Variants in FOXD4L1 observed in about 807,000 individuals in gnomAD.
FOXD4L1 encodes forkhead box D4 like 1.
Under a neutral mutation model 24.8 loss-of-function variants are expected in FOXD4L1, and 10 were observed. The observed-to-expected ratio is 0.40, with a 90% CI of 0.25 to 0.68. FOXD4L1 has a LOEUF of 0.68. Among genes scored for constraint, FOXD4L1 ranks in the 30% least tolerant of loss-of-function variants. The pLI is 0.37. For synonymous variants in FOXD4L1, 159 were observed against 256.4 expected, an observed-to-expected ratio of 0.62 and a Z score of 3.63; for missense variants, 364 against 572.4, an observed-to-expected ratio of 0.64 and a Z score of 3.72.
At chr2:113,499,258 T>C (rs1395749842) in exon 1 of FOXD4L1, 33 of 1,611,358 alleles carry the variant, frequency 2.0e-5, no homozygotes, top group Non-Finnish European at 2.4e-5. Context: ...TGCTCCGCCA[T>C]GAACCTGCCA....
chr2:113,499,057 G>C (rs1257217543), exon 1 of FOXD4L1: 4 of 840,516 alleles, frequency 4.8e-6, no homozygotes, highest in Admixed American at 5.7e-5. Context: ...ACATGGTCTT[G>C]AAGAAGCTTT....
At chr2:113,498,982 G>C (rs1326064407) in exon 1 of FOXD4L1, 1 of 616,578 alleles carries the variant, frequency 1.6e-6, no homozygotes, top group East Asian at 3.2e-5. Context: ...CCTGGACTAC[G>C]TTAGGAGGAA....
exon 1 of FOXD4L1, chr2:113,499,561 C>G (rs755498686): frequency 6.2e-7 from 1 of 1,608,796 alleles, no homozygotes; most frequent in South Asian, 1.1e-5. Context: ...TCTGAAGATG[C>G]CCGGCAGCCG....
chr2:113,500,455 C>A (rs1281391243), exon 1 of FOXD4L1: 1 of 1,518,324 alleles, frequency 6.6e-7, no homozygotes, highest in Non-Finnish European at 8.9e-7. Flanking sequence ...GGCGCTGCTG[C>A]GGTATCAGGC....
rs1257090505 is a variant in FOXD4L1 at position 113,500,112 on chromosome 2, G to A, written c.856G>A (p.Gly286Ser). Residue 286 changes from glycine (G) to serine (S), a missense_variant, in exon 1 of 1, where the codon GGC becomes AGC. Physicochemically the swap from Gly to Ser is moderately conservative, Grantham distance 56. Coordinates refer to ENST00000306507, the Ensembl canonical transcript of FOXD4L1. ...TGCCGGGGCACCGAAGAAAGCAGAAGGCGCGGACCTGGCGACCCCCGGCAC... is the reference window on the plus strand; with the variant it reads ...TGCCGGGGCACCGAAGAAAGCAGAAAGCGCGGACCTGGCGACCCCCGGCAC... The A allele has an allele frequency of 3.2e-6, 5 of 1,547,956 alleles. 1 individual carries two copies. Among genetic ancestry groups the A allele is most frequent in the South Asian group, 1.1e-5 (1 of 87,756 alleles).
chr2:113,500,142 C>A lies in FOXD4L1; in HGVS notation c.886C>A (p.Pro296Thr), dbSNP rs867124171. Reference sequence around the variant, plus strand: ...GGACCTGGCGACCCCCGGCACCCTTCCCGTGCTGCAGCCCTCACTTGGTCC... The same window carrying A: ...GGACCTGGCGACCCCCGGCACCCTTACCGTGCTGCAGCCCTCACTTGGTCC... The change falls in exon 1 of 1, where the codon CCC becomes ACC. Residue 296 changes from proline (P) to threonine (T), a missense_variant. Transcript: ENST00000306507. The A allele has an allele frequency of 2.2e-5, 33 of 1,518,032 alleles. 6 individuals are homozygous for A. The highest frequency in any genetic ancestry group is 2.7e-5 in the Non-Finnish European group (31 of 1,129,172). 94.0% of individuals were successfully genotyped at this position (1,518,032 alleles called of 1,614,324 possible). A position where few individuals can be genotyped will look rare whatever the true frequency, so the allele number is the denominator to read the frequency against.
chr2:113,500,896 A>T (rs1682434315), exon 1 of FOXD4L1: 2 of 341,252 alleles, frequency 5.9e-6, no homozygotes, highest in Non-Finnish European at 5.4e-6. Context: ...AAGCAAGCAA[A>T]CAAAAACACA....
exon 1 of FOXD4L1, chr2:113,499,435 A>G (rs1033207867): frequency 1.3e-6 from 2 of 1,599,600 alleles, no homozygotes; most frequent in Admixed American, 3.5e-5. Context: ...CCGGGGCTGC[A>G]GGTGGCCCGG....
chr2:113,499,199 C>T (rs574728692), exon 1 of FOXD4L1: 90 of 1,611,670 alleles, frequency 5.6e-5, no homozygotes, highest in Non-Finnish European at 6.3e-5. Flanking sequence ...CAGCTCAGCC[C>T]GCCCCGGGCC....
exon 1 of FOXD4L1, chr2:113,500,793 C>T (rs116543208): frequency 0.14 from 95,874 of 680,232 alleles, 17,380 homozygotes; most frequent in Non-Finnish European, 0.17. Flanking sequence ...TTCTTGCCTT[C>T]GGCTGTGGCT....
At chr2:113,499,979 G>A in exon 1 of FOXD4L1, 1 of 1,531,938 alleles carries the variant, frequency 6.5e-7, no homozygotes. Context: ...CCCCTGCCCT[G>A]CCGCAGCCAG....
chr2:113,500,035 C>A (rs144526768), exon 1 of FOXD4L1: 5 of 1,585,068 alleles, frequency 3.2e-6, no homozygotes, highest in Non-Finnish European at 4.3e-6. Flanking sequence ...CGCCCTTACG[C>A]TCTGCTGCAC....
exon 1 of FOXD4L1, chr2:113,499,110 A>T: frequency 2.2e-6 from 3 of 1,353,362 alleles, no homozygotes; most frequent in Non-Finnish European, 3.1e-6. Flanking sequence ...GTTGCAAAGG[A>T]GTAGAAACAA....
chr2:113,499,747 G>A, exon 1 of FOXD4L1: 1 of 1,604,560 alleles, frequency 6.2e-7, no homozygotes, highest in Non-Finnish European at 8.5e-7. Context: ...CTGAACGACT[G>A]CTTCGTCAAG....
chr2:113,499,146 A>G (rs535767175), exon 1 of FOXD4L1: 2 of 1,566,784 alleles, frequency 1.3e-6, no homozygotes, highest in East Asian at 2.3e-5. Context: ...CCAAAGGGTA[A>G]CCACTAGCGT....
chr2:113,499,669 G>T (rs1168909290), exon 1 of FOXD4L1: 2 of 1,611,368 alleles, frequency 1.2e-6, no homozygotes, highest in Non-Finnish European at 8.5e-7. Flanking sequence ...GCCTTCATTA[G>T]TGGCCGCTTC....
chr2:113,501,022 T>G (rs1232234491), exon 1 of FOXD4L1: 1 of 171,174 alleles, frequency 5.8e-6, no homozygotes, highest in African/African-American at 2.6e-5. Flanking sequence ...GGATGTTTAA[T>G]GTAAGTAGGA....
At chr2:113,499,455 G>T in exon 1 of FOXD4L1, 1 of 1,577,650 alleles carries the variant, frequency 6.3e-7, no homozygotes, top group Non-Finnish European at 8.6e-7. Context: ...GTGGGGCGGG[G>T]TTGCGCTTCC....
chr2:113,500,500 G>A lies in FOXD4L1; in HGVS notation c.*17G>A. On this transcript the variant is annotated 3_prime_UTR_variant, in exon 1 of 1. Coordinates refer to ENST00000306507, the Ensembl canonical transcript of FOXD4L1. ...GGGCTCTAGGCTGACATCGCTGGCT[G>A]CCCCTTTGGGCGGAGAGGGGACCTC... 3 of 1,516,384 alleles carry A rather than the reference G, an allele frequency of 2.0e-6. 1 individual carries two copies. The highest frequency in any genetic ancestry group is 1.4e-5 in the African/African-American group (1 of 72,062). The allele number at this position is 1,516,384 out of a possible 1,614,324, so 93.9% of individuals were successfully genotyped here.
Sources: gnomAD v4.1 joint callset for allele counts on GRCh38, gnomAD v4.1.1 for gene constraint, MANE v1.5 for transcripts, NCBI Gene and HGNC (gene_info 2026-07-23, HGNC 2026-07-21) for gene names.